The following SCIN variants were observed in gnomAD, a reference collection of about 807,000 sequenced individuals.
The protein encoded by SCIN is adseverin.
A neutral mutation model predicts 91.8 loss-of-function variants in SCIN; 91 were observed. The observed-to-expected ratio is 0.99, with a 90% CI of 0.84 to 1.18. The LOEUF (loss-of-function observed/expected upper bound fraction) is 1.18. Ranked by LOEUF, SCIN falls within the 50% of genes most tolerant of loss-of-function variation. The probability of loss-of-function intolerance (pLI) is 0.00; values close to 1 mark genes in which losing one functional copy is unlikely to be tolerated. For missense variants in SCIN, 1,087 were observed against 863.9 expected (o/e 1.26, Z -3.24); for synonymous variants, 367 against 312.6 (o/e 1.17, Z -1.84).
chr7:12,649,349 A>C (rs1784031236), intron 13 of SCIN, 118 bp from the exon 14 acceptor site: 1 of 544,840 alleles, frequency 1.8e-6, no homozygotes, highest in Admixed American at 3.8e-5. Context: ...AAGAAGAAAA[A>C]AATTACCACC....
chr7:12,625,842 A>T lies in SCIN; in HGVS notation c.973A>T (p.Asn325Tyr). ...EFLQQMNYSKNTQIQVLPEGG... is the reference protein window; with the variant it reads ...EFLQQMNYSKYTQIQVLPEGG... ...TCTACAGCAAATGAATTATTCCAAG[A>T]ATACCCAAGTATGTGTGAAACTGAA... Residue 325 changes from asparagine to tyrosine, a missense_variant, in exon 7 of 16, where the codon AAT (asparagine) becomes TAT (tyrosine). Physicochemically the swap from Asn to Tyr is moderately radical, Grantham distance 143. Coordinates refer to ENST00000297029, the MANE Select transcript of SCIN (RefSeq NM_001112706.3). 1.9e-6 allele frequency: 3 copies of T among 1,607,076 alleles called. No homozygotes were observed. The highest frequency in any genetic ancestry group is 2.6e-6 in the Non-Finnish European group (3 of 1,174,412).
chr7:12,623,657 C>T (rs913729243), intron 5 of SCIN, among the ~76,000 whole-genome samples: 1 of 152,080 alleles, frequency 6.6e-6, no homozygotes, highest in Non-Finnish European at 1.5e-5. Flanking sequence ...TGGAGCAGAT[C>T]GTAAATCTCC....
intron 8 of SCIN, among the ~76,000 whole-genome samples, chr7:12,628,108 C>T (rs181809017): frequency 1.2e-4 from 18 of 151,632 alleles, no homozygotes; most frequent in African/African-American, 3.6e-4. Flanking sequence ...GCCTCTCCTT[C>T]GTTTGTTACT....
intron 3 of SCIN, among the ~76,000 whole-genome samples, chr7:12,602,459 C>G (rs960699203): frequency 6.6e-6 from 1 of 152,084 alleles, no homozygotes; most frequent in Non-Finnish European, 1.5e-5. Flanking sequence ...ACTGGTCTGA[C>G]CAAAAATTTA....
intron 6 of SCIN, among the ~76,000 whole-genome samples, chr7:12,625,542 G>A (rs991694667): frequency 1.4e-4 from 21 of 150,612 alleles, no homozygotes; most frequent in African/African-American, 4.4e-4. Flanking sequence ...TGTTAGCCAG[G>A]ATGGTCTCGA....
In SCIN at chr7:12,604,537, C is replaced by A. The variant is rs945418874; in HGVS notation, c.540C>A (p.Ser180=). Residue 180 remains serine (S), a synonymous_variant, in exon 4 of 16, where the codon TCC becomes TCA. Transcript: ENST00000297029. ...LGTEIYQWCG[S]SCNKYERLKA... ...AGGAAATTTATCAGTGGTGTGGTTCCTCGTGCAACAAATATGAACGTCTGA... is the reference window on the plus strand; with the variant it reads ...AGGAAATTTATCAGTGGTGTGGTTCATCGTGCAACAAATATGAACGTCTGA... 6.4e-7 allele frequency: 1 copy of A among 1,551,588 alleles called. No individual in the cohort carries two copies. The highest frequency in any genetic ancestry group is 8.7e-7 in the Non-Finnish European group (1 of 1,146,984).
rs542848107 is a variant in SCIN, at chr7:12,628,747, G to GA, written c.1198-347dup. 3.9e-5 allele frequency among the ~76,000 whole-genome samples: 6 copies of GA among 152,050 alleles called. No homozygotes were observed. In the South Asian group the frequency reaches 8.3e-4, roughly 21 times the overall value. Reference sequence around the variant, plus strand: ...ATATATATGTTATTTCATAATTGAAGAAAAAAATTAACTATAAAATAGATA... The same window carrying GA: ...ATATATATGTTATTTCATAATTGAAGAAAAAAAATTAACTATAAAATAGATA... On this transcript the variant is annotated intron_variant, in intron 8 of 15. Transcript: ENST00000297029.
In SCIN at chr7:12,640,366, A is replaced by G. The variant is rs535025368; in HGVS notation, c.1430A>G (p.Lys477Arg). ...CATCAGATCCGAGTCTCCCAAGGCA[A>G]AGAGCCTGTTCACCTACTGAGTTTG... ...QAVQIRVSQG[K>R]EPVHLLSLFK... Residue 477 changes from lysine (K) to arginine (R), a missense_variant, in exon 11 of 16, where the codon AAA (lysine) becomes AGA (arginine). Transcript: ENST00000297029. 1.4e-5 allele frequency: 23 copies of G among 1,603,350 alleles called. No individual in the cohort carries two copies. The African/African-American group carries it at 2.8e-4, about 20-fold the overall frequency.
At chr7:12,613,466 A>G (rs1783238160) in intron 4 of SCIN, among the ~76,000 whole-genome samples, 1 of 152,204 alleles carries the variant, frequency 6.6e-6, no homozygotes, top group Non-Finnish European at 1.5e-5. Context: ...TGCAAGATTC[A>G]GCCATTCATA....
intron 3 of SCIN, among the ~76,000 whole-genome samples, chr7:12,596,715 T>G (rs539856085): frequency 3.9e-5 from 6 of 151,996 alleles, no homozygotes; most frequent in African/African-American, 1.4e-4. Flanking sequence ...GCAAACACTT[T>G]GAGTAGTAAG....
At chr7:12,580,431 A>G (rs565842091) in intron 2 of SCIN, among the ~76,000 whole-genome samples, 3 of 152,212 alleles carry the variant, frequency 2.0e-5, no homozygotes, top group Non-Finnish European at 4.4e-5. Context: ...AAGATATTGC[A>G]TCTCTCCTAG....
chr7:12,603,394 C>T (rs1583292819), intron 3 of SCIN, among the ~76,000 whole-genome samples: 2 of 151,992 alleles, frequency 1.3e-5, no homozygotes, highest in Admixed American at 6.6e-5. Context: ...CCGCAAGCCT[C>T]GGCCTCTCAA....
At chr7:12,579,281 T>C (rs1259458059) in intron 2 of SCIN, among the ~76,000 whole-genome samples, 1 of 152,212 alleles carries the variant, frequency 6.6e-6, no homozygotes, top group Admixed American at 6.5e-5. Context: ...ATAGGTTCTC[T>C]TATGTCTCTT....
chr7:12,627,356 A>G (rs1161449402), intron 8 of SCIN, among the ~76,000 whole-genome samples: 2 of 151,866 alleles, frequency 1.3e-5, no homozygotes, highest in Non-Finnish European at 2.9e-5. Context: ...CAGTTAAATC[A>G]CAAGCCATAC....
intron 5 of SCIN, among the ~76,000 whole-genome samples, chr7:12,623,264 C>A (rs1203543546): frequency 6.6e-6 from 1 of 152,072 alleles, no homozygotes; most frequent in Non-Finnish European, 1.5e-5. Flanking sequence ...AAAGTCTTCA[C>A]CCTATTTAAA....
chr7:12,597,581 CAA>C (rs1190370397), intron 3 of SCIN, among the ~76,000 whole-genome samples: 2 of 152,184 alleles, frequency 1.3e-5, no homozygotes, highest in Non-Finnish European at 2.9e-5. Context: ...TTTCTGTCCT[CAA>C]ATGATGTCTG....
chr7:12,581,009 T>G lies in SCIN; in HGVS notation c.355-51T>G, dbSNP rs977455940. 1.5e-5 allele frequency: 23 copies of G among 1,527,484 alleles called. No homozygotes were observed. The Admixed American group carries it at 4.6e-4, about 30-fold the overall frequency. 94.6% of individuals were successfully genotyped at this position (1,527,484 alleles called of 1,614,324 possible). On this transcript the variant is annotated intron_variant, in intron 2 of 15. Transcript: ENST00000297029. ...GCTTTGCTTTGTCTAGGCAGACACC[T>G]CATCAGTTTTCTCTTTGTTTTTTGT... is the stretch of plus-strand genomic sequence containing the variant.
chr7:12,608,321 G>GCACA (rs35120183), intron 4 of SCIN, among the ~76,000 whole-genome samples: 2,894 of 148,642 alleles, frequency 0.019, 84 homozygotes, highest in South Asian at 0.075. Context: ...ATGCACACAT[G>GCACA]CACACACACA....
intron 3 of SCIN, among the ~76,000 whole-genome samples, chr7:12,599,910 T>C (rs1266517257): frequency 6.6e-6 from 1 of 152,222 alleles, no homozygotes; most frequent in African/African-American, 2.4e-5. Flanking sequence ...ATTCTTGATA[T>C]TAGTCCTTTG....
Sources: gnomAD v4.1 joint callset for allele counts (sites outside exome capture counted in the v4.1 genomes callset) on GRCh38, gnomAD v4.1.1 for gene constraint, MANE v1.5 for transcripts, NCBI Gene and HGNC (gene_info 2026-07-23, HGNC 2026-07-21) for gene names.